The following GRIA4 variants were observed in gnomAD, a reference collection of about 807,000 sequenced individuals.
GRIA4 encodes the protein glutamate ionotropic receptor AMPA type subunit 4.
In GRIA4, 34 loss-of-function variants were observed where a neutral mutation model predicts 104.0. The observed-to-expected ratio is 0.33, with a 90% CI of 0.25 to 0.44. GRIA4 has a LOEUF of 0.44. GRIA4 is among the 20% of genes least tolerant of loss of function. The pLI is 1.00. For missense variants in GRIA4, 750 were observed against 1,096.5 expected (o/e 0.68, Z 4.46); for synonymous variants, 386 against 381.9 (o/e 1.01, Z -0.13).
At chr11:105,938,547 C>A (rs1948108347) in intron 14 of GRIA4, among the ~76,000 whole-genome samples, 1 of 152,082 alleles carries the variant, frequency 6.6e-6, no homozygotes, top group South Asian at 2.1e-4. Context: ...AGAGATATAT[C>A]TTTGCTTATG....
At chr11:105,801,073 G>A (rs994815018) in intron 4 of GRIA4, among the ~76,000 whole-genome samples, 3 of 151,642 alleles carry the variant, frequency 2.0e-5, no homozygotes, top group African/African-American at 7.2e-5. Context: ...ATAAAATTGA[G>A]CTATTTTGTT....
intron 3 of GRIA4, among the ~76,000 whole-genome samples, chr11:105,697,157 G>A (rs1483604479): frequency 2.6e-5 from 4 of 152,116 alleles, no homozygotes; most frequent in Non-Finnish European, 4.4e-5. Flanking sequence ...TAGAACAAAA[G>A]GAAAACAAGC....
At chr11:105,671,037 C>A (rs1952347315) in intron 3 of GRIA4, among the ~76,000 whole-genome samples, 1 of 152,220 alleles carries the variant, frequency 6.6e-6, no homozygotes, top group African/African-American at 2.4e-5. Flanking sequence ...TTTTTCCACA[C>A]TGAGTCACAT....
intron 14 of GRIA4, among the ~76,000 whole-genome samples, chr11:105,963,439 A>G (rs1341288784): frequency 2.0e-5 from 3 of 152,158 alleles, no homozygotes; most frequent in Non-Finnish European, 4.4e-5. Flanking sequence ...CACTTTTAAC[A>G]TGCACGGAAA....
At chr11:105,631,755 C>T (rs947552078) in intron 3 of GRIA4, among the ~76,000 whole-genome samples, 1 of 152,068 alleles carries the variant, frequency 6.6e-6, no homozygotes. Context: ...AAGACAGAAG[C>T]AACTTGTTAT....
intron 3 of GRIA4, among the ~76,000 whole-genome samples, chr11:105,639,280 A>C (rs1951291763): frequency 6.6e-6 from 1 of 152,112 alleles, no homozygotes; most frequent in Non-Finnish European, 1.5e-5. Flanking sequence ...TGGTGAAGGA[A>C]CAAGTACAAA....
At chr11:105,737,512 G>A (rs772554936) in intron 3 of GRIA4, among the ~76,000 whole-genome samples, 8 of 151,850 alleles carry the variant, frequency 5.3e-5, no homozygotes, top group Non-Finnish European at 8.8e-5. Flanking sequence ...TTGAAACATC[G>A]GTTACTGCAA....
At chr11:105,759,565 A>G (rs777431767) in intron 4 of GRIA4, among the ~76,000 whole-genome samples, 4 of 151,948 alleles carry the variant, frequency 2.6e-5, no homozygotes, top group African/African-American at 4.8e-5. Flanking sequence ...ATGCTCCACA[A>G]TCTGTCTCCT....
intron 14 of GRIA4, among the ~76,000 whole-genome samples, chr11:105,953,009 G>C (rs772155090): frequency 2.0e-5 from 3 of 152,154 alleles, no homozygotes; most frequent in Non-Finnish European, 4.4e-5. Context: ...GGAAATGAGT[G>C]CACAAATCCA....
chr11:105,893,211 A>T (rs865849833), intron 6 of GRIA4, among the ~76,000 whole-genome samples: 2 of 152,126 alleles, frequency 1.3e-5, no homozygotes, highest in African/African-American at 4.8e-5. Context: ...TACTGAAGTC[A>T]CTTAACCACT....
chr11:105,853,862 T>G (rs533902985), intron 4 of GRIA4, among the ~76,000 whole-genome samples: 1 of 152,302 alleles, frequency 6.6e-6, no homozygotes, highest in African/African-American at 2.4e-5. Flanking sequence ...CTATTTGGAT[T>G]CCCTGTCCTC....
chr11:105,666,425 A>G (rs552645397), intron 3 of GRIA4, among the ~76,000 whole-genome samples: 6 of 152,122 alleles, frequency 3.9e-5, no homozygotes, highest in Middle Eastern at 6.8e-3. Flanking sequence ...TCTTGTAGAT[A>G]TGAAAATGAG....
chr11:105,940,759 T>C (rs1370061789), intron 14 of GRIA4, among the ~76,000 whole-genome samples: 1 of 152,124 alleles, frequency 6.6e-6, no homozygotes, highest in Non-Finnish European at 1.5e-5. Context: ...TAGGTGTCAT[T>C]AGCTTCCTTT....
At chr11:105,833,523 T>A (rs1418583335) in intron 4 of GRIA4, among the ~76,000 whole-genome samples, 1 of 151,954 alleles carries the variant, frequency 6.6e-6, no homozygotes, top group East Asian at 1.9e-4. Flanking sequence ...ATGCTATTTT[T>A]ATATATAAAA....
chr11:105,691,935 CAAAAAAAAAAA>C (rs202074069), intron 3 of GRIA4, among the ~76,000 whole-genome samples: 1 of 76,340 alleles, frequency 1.3e-5, no homozygotes, highest in Admixed American at 1.6e-4. Context: ...AACTCCGTCT[CAAAAAAAAAAA>C]AAAAAAAAAG....
chr11:105,853,345 T>C (rs1426042729), intron 4 of GRIA4, among the ~76,000 whole-genome samples: 1 of 152,246 alleles, frequency 6.6e-6, no homozygotes, highest in African/African-American at 2.4e-5. Flanking sequence ...TTGCTATAAA[T>C]AAAGATTATG....
In GRIA4 at chr11:105,728,918, A is replaced by G. The variant is rs146253043; in HGVS notation, c.248-24063A>G. On this transcript the variant is annotated intron_variant, in intron 3 of 16. Transcript: ENST00000282499. The stretch of plus-strand genomic sequence containing the variant: ...AGAAAGTGGGAAAGATCTAAAATCC[A>G]CACTCTAACATCACAATTAGAAGAA... Among the ~76,000 whole-genome samples the G allele has an allele frequency of 1.5e-4, 23 of 152,314 alleles. No homozygotes were observed. The East Asian group carries it at 3.5e-3, about 23-fold the overall frequency.
At chr11:105,881,806 T>A (rs1478424830) in intron 5 of GRIA4, among the ~76,000 whole-genome samples, 1 of 152,122 alleles carries the variant, frequency 6.6e-6, no homozygotes, top group Non-Finnish European at 1.5e-5. Context: ...GATAAGAATT[T>A]ACATTACCTA....
At chr11:105,709,799 A>T (rs1267870480) in intron 3 of GRIA4, among the ~76,000 whole-genome samples, 1 of 152,136 alleles carries the variant, frequency 6.6e-6, no homozygotes, top group Admixed American at 6.6e-5. Context: ...AGACAGGAAG[A>T]TGTGGAGGCA....
Sources: gnomAD v4.1 joint callset for allele counts (sites outside exome capture counted in the v4.1 genomes callset) on GRCh38, gnomAD v4.1.1 for gene constraint, MANE v1.5 for transcripts, NCBI Gene and HGNC (gene_info 2026-07-23, HGNC 2026-07-21) for gene names.